Variants in ZNF577 observed in about 807,000 individuals in gnomAD.
ZNF577 encodes the protein zinc finger protein 577.
In ZNF577, 14 loss-of-function variants were observed where a neutral mutation model predicts 13.9. The ratio of observed to expected loss-of-function variants is 1.00; its 90% CI spans 0.66 to 1.57. The LOEUF (loss-of-function observed/expected upper bound fraction) is 1.57, where lower values mean the gene tolerates loss of function less well. Among genes scored for constraint, ZNF577 ranks in the 40% most tolerant of loss-of-function variants. The pLI is 0.00. For synonymous variants in ZNF577, 203 were observed against 202.9 expected (o/e 1.00, Z 0.00); for missense variants, 555 against 579.2 (o/e 0.96, Z 0.43).
intron 9 of ZNF577, chr19:51,839,788 G>C (rs903669888): frequency 2.0e-5 from 3 of 152,278 alleles, no homozygotes; most frequent in African/African-American, 7.2e-5. Flanking sequence ...CCCAGCTTCA[G>C]ATTCCACTGA....
Position 51,824,348 on chromosome 19 carries a change from C to G in ZNF577, c.*600-12674G>C. The G allele has an allele frequency of 6.2e-7, 1 of 1,614,144 alleles. No individual in the cohort carries two copies. Among genetic ancestry groups the G allele is most frequent in the Non-Finnish European group, 8.5e-7 (1 of 1,180,000 alleles). On this transcript the variant is annotated intron_variant and NMD_transcript_variant, in intron 9 of 10. Coordinates refer to the ZNF577 transcript ENST00000638827. This position sits in a 1 kb window ranked among gnomAD's most constrained non-coding sequence, Gnocchi z 4.7. The stretch of plus-strand genomic sequence containing the variant: ...ACGTGTTCATTACCATGGCCAAGGT[C>G]TTTCTGATCCTCCACTTCATTATTG...
At chr19:51,878,629 TA>T in intron 3 of ZNF577, 114 bp from the exon 4 acceptor site, 1 of 1,309,866 alleles carries the variant, frequency 7.6e-7, no homozygotes, top group Non-Finnish European at 1.1e-6. Context: ...ACACCATGGC[TA>T]TTTCACATAC....
chr19:51,818,927 A>T (rs1372682848), intron 9 of ZNF577, among the ~76,000 whole-genome samples: 1 of 152,224 alleles, frequency 6.6e-6, no homozygotes. Context: ...ATTTTAGCAG[A>T]GGGAATAGCA....
Position 51,873,167 on chromosome 19 carries a change from A to C in ZNF577, c.823T>G (p.Cys275Gly). ...TGEKLYGCSV[C>G]GKAFSQKAYL... Reference sequence around the variant, plus strand: ...GCCTTCTGAGAAAAGGCTTTCCCACACACACTGCACCCATAGAGTTTCTCT... The same window carrying C: ...GCCTTCTGAGAAAAGGCTTTCCCACCCACACTGCACCCATAGAGTTTCTCT... The change falls in exon 6 of 6, where the codon TGT (cysteine) becomes GGT (glycine). Residue 275 changes from cysteine to glycine, a missense_variant. Physicochemically the swap from Cys to Gly is radical, Grantham distance 159 (BLOSUM62 -3). Transcript: ENST00000638348. The C allele has an allele frequency of 6.2e-7, 1 of 1,614,136 alleles. No homozygotes were observed. The highest frequency in any genetic ancestry group is 8.5e-7 in the Non-Finnish European group (1 of 1,180,028).
chr19:51,837,297 A>G (rs1381797474), intron 9 of ZNF577, among the ~76,000 whole-genome samples: 3 of 152,140 alleles, frequency 2.0e-5, no homozygotes, highest in Non-Finnish European at 4.4e-5. Flanking sequence ...CTTATTGGTT[A>G]ACACAGCTCA....
At chr19:51,818,279 T>C (rs1212382606) in intron 9 of ZNF577, among the ~76,000 whole-genome samples, 1 of 152,232 alleles carries the variant, frequency 6.6e-6, no homozygotes, top group Non-Finnish European at 1.5e-5. Flanking sequence ...CTTTTTGATA[T>C]ATAGGATTCA....
Position 51,886,825 on chromosome 19 carries a change from G to A in ZNF577, c.-223C>T, listed in dbSNP as rs191592026. 6.6e-5 allele frequency: 10 copies of A among 152,278 alleles called. No individual in the cohort carries two copies. The highest frequency in any genetic ancestry group is 3.9e-4 in the Admixed American group (6 of 15,294). 9.4% of individuals were successfully genotyped at this position (152,278 alleles called of 1,614,324 possible). A position where few individuals can be genotyped will look rare whatever the true frequency, so the allele number is the denominator to read the frequency against. ...CTGACTCAGAGATTAACGTACCCAA[G>A]TCAGAGGCAGAGGCAGGTACTTCTT... On this transcript the variant is annotated 5_prime_UTR_variant, in exon 1 of 6. Coordinates refer to ENST00000638348, the MANE Select transcript of ZNF577 (RefSeq NM_001370449.1).
At chr19:51,811,981 A>T (rs1419209472) in intron 9 of ZNF577, among the ~76,000 whole-genome samples, 1 of 152,214 alleles carries the variant, frequency 6.6e-6, no homozygotes, top group Admixed American at 6.5e-5. Flanking sequence ...TATTGTCTTG[A>T]GAAGGCAACT....
chr19:51,814,494 GT>G (rs1340034725), intron 9 of ZNF577, among the ~76,000 whole-genome samples: 7 of 141,248 alleles, frequency 5.0e-5, no homozygotes, highest in African/African-American at 1.9e-4. Context: ...TTTTTTGTTT[GT>G]TTTGTTTTTT....
chr19:51,814,010 G>C (rs1382970043), intron 9 of ZNF577, among the ~76,000 whole-genome samples: 2 of 152,156 alleles, frequency 1.3e-5, no homozygotes, highest in African/African-American at 4.8e-5. Context: ...GTGAAGCAAA[G>C]GGCTTAAATG....
At chr19:51,820,648 G>A (rs1000325392) in intron 9 of ZNF577, among the ~76,000 whole-genome samples, 1 of 152,234 alleles carries the variant, frequency 6.6e-6, no homozygotes. Context: ...GATATTTGGA[G>A]AGTGGTAGAG....
intron 5 of ZNF577, chr19:51,856,020 AT>A (rs1487268259): frequency 6.6e-6 from 1 of 152,164 alleles, no homozygotes; most frequent in Non-Finnish European, 1.5e-5. Context: ...ATACCCCACT[AT>A]TTTTAATGAG....
At chr19:51,857,093 G>A (rs146505321) in intron 5 of ZNF577, among the ~76,000 whole-genome samples, 3 of 152,230 alleles carry the variant, frequency 2.0e-5, no homozygotes, top group African/African-American at 7.2e-5. Flanking sequence ...GAGGTCAAGA[G>A]ATCGAGACTA....
At chr19:51,828,975 G>A (rs1162189799) in intron 9 of ZNF577, among the ~76,000 whole-genome samples, 2 of 152,124 alleles carry the variant, frequency 1.3e-5, no homozygotes, top group African/African-American at 4.8e-5. Context: ...CCTGGTGACA[G>A]GCCACTACTT....
At chr19:51,885,705 T>C (rs901031256) in intron 1 of ZNF577, among the ~76,000 whole-genome samples, 5 of 152,154 alleles carry the variant, frequency 3.3e-5, no homozygotes, top group Admixed American at 2.6e-4. Flanking sequence ...GGATGGGGTT[T>C]CATCATGTTG....
At chr19:51,866,768 G>C (rs930407395), downstream of ZNF577, among the ~76,000 whole-genome samples, 2 of 152,144 alleles carry the variant, frequency 1.3e-5, no homozygotes, top group Non-Finnish European at 2.9e-5. Flanking sequence ...AATCACCTGA[G>C]GTCAGGAGTT....
chr19:51,870,629 C>T lies in ZNF577; in HGVS notation c.*1903G>A, dbSNP rs1322590671. Among the ~76,000 whole-genome samples the T allele has an allele frequency of 6.6e-6, 1 of 152,164 alleles. No individual in the cohort carries two copies. Among genetic ancestry groups the T allele is most frequent in the Admixed American group, 6.5e-5 (1 of 15,272 alleles). ...CAGCCTAGGGGGGGTTTCTCACATA[C>T]ATATGCTGATTATGACTCAAAAGGC... is the stretch of plus-strand genomic sequence containing the variant. On this transcript the variant is annotated 3_prime_UTR_variant, in exon 6 of 6. Coordinates refer to ENST00000638348, the MANE Select transcript of ZNF577 (RefSeq NM_001370449.1).
intron 5 of ZNF577, among the ~76,000 whole-genome samples, chr19:51,847,553 G>T (rs981077485): frequency 6.6e-6 from 1 of 152,070 alleles, no homozygotes; most frequent in Non-Finnish European, 1.5e-5. Flanking sequence ...GGCTCTCCCA[G>T]GCCTCTCTCT....
At chr19:51,850,975 T>G (rs2084376216) in intron 5 of ZNF577, among the ~76,000 whole-genome samples, 2 of 152,196 alleles carry the variant, frequency 1.3e-5, no homozygotes, top group Non-Finnish European at 2.9e-5. Context: ...TTTACTTTTG[T>G]TTAGGATAAG....
Sources: gnomAD v4.1 joint callset for allele counts (sites outside exome capture counted in the v4.1 genomes callset) on GRCh38, gnomAD v4.1.1 for gene constraint, Gnocchi (gnomAD v3.1) non-coding constraint, MANE v1.5 for transcripts, NCBI Gene and HGNC (gene_info 2026-07-23, HGNC 2026-07-21) for gene names.